Variants in IAPP observed in about 807,000 individuals in gnomAD.
The protein encoded by IAPP is islet amyloid polypeptide, also known as Islet amyloid polypeptide (diabetes-associated peptide; amylin).
In IAPP, 4 loss-of-function variants were observed where a neutral mutation model predicts 2.9. The ratio of observed to expected loss-of-function variants is 1.39; its 90% CI spans 0.69 to 3.19. The LOEUF is 3.19. Among genes scored for constraint, IAPP ranks in the 30% most tolerant of loss-of-function variants. The pLI is 0.01. For synonymous variants in IAPP, 40 were observed against 42.1 expected (o/e 0.95, Z 0.19); for missense variants, 114 against 105.3 (o/e 1.08, Z -0.36).
chr12:21,375,756 G>A (rs1418610970), intron 2 of IAPP, among the ~76,000 whole-genome samples: 1 of 152,154 alleles, frequency 6.6e-6, no homozygotes. Context: ...TTAAAAGAGA[G>A]GCAATTTAAG....
intron 1 of IAPP, among the ~76,000 whole-genome samples, chr12:21,362,926 A>G (rs537587973): frequency 2.0e-4 from 31 of 152,270 alleles, no homozygotes; most frequent in African/African-American, 6.7e-4. Flanking sequence ...AGAGACTTAG[A>G]CTCCCACACA....
chr12:21,372,003 CAAAAAAAAAG>C (rs375081900), upstream of IAPP, among the ~76,000 whole-genome samples: 2,828 of 122,606 alleles, frequency 0.023, 94 homozygotes, highest in African/African-American at 0.08. Flanking sequence ...AACTTCATCT[CAAAAAAAAAG>C]AAAAAAAAAG....
chr12:21,366,194 A>G (rs1939365228), intron 1 of IAPP, among the ~76,000 whole-genome samples: 1 of 152,212 alleles, frequency 6.6e-6, no homozygotes, highest in South Asian at 2.1e-4. Context: ...TGTGGCACAT[A>G]TACACCATGG....
At chr12:21,357,528 A>G (rs1219483370) in intron 1 of IAPP, among the ~76,000 whole-genome samples, 3 of 152,204 alleles carry the variant, frequency 2.0e-5, no homozygotes, top group African/African-American at 7.2e-5. Context: ...TTTTGTCCCA[A>G]CTGGTTGGAA....
rs1940473320 is a variant in IAPP, at chr12:21,379,809, GTTAAAATTTCCCT to G, written c.*1387_*1399del. On this transcript the variant is annotated 3_prime_UTR_variant, in exon 3 of 3. Coordinates refer to ENST00000240652, the MANE Select transcript of IAPP (RefSeq NM_000415.3). ...TTGACTCATTGACTTACATTTCTAA[GTTAAAATTTCCCT>G]TTATGAAGTGTGCCTTAGGTTACCA... 6.6e-6 allele frequency: 1 copy of G among 152,144 alleles called. No homozygotes were observed. Among genetic ancestry groups the G allele is most frequent in the South Asian group, 2.1e-4 (1 of 4,824 alleles). 9.4% of individuals were successfully genotyped at this position (152,144 alleles called of 1,614,324 possible).
chr12:21,377,836 T>C (rs1257013699), intron 2 of IAPP, among the ~76,000 whole-genome samples: 1 of 152,186 alleles, frequency 6.6e-6, no homozygotes, highest in Non-Finnish European at 1.5e-5. Flanking sequence ...GATGTAGAAA[T>C]AATTATTTTT....
rs573384721 is a variant in IAPP at position 21,360,168 on chromosome 12, C to T, written c.-16+5155C>T. Among the ~76,000 whole-genome samples, 133 of 151,988 alleles carry T rather than the reference C, an allele frequency of 8.8e-4. 1 individual carries two copies. Among genetic ancestry groups the T allele is most frequent in the African/African-American group, 2.9e-3 (121 of 41,410 alleles). The stretch of plus-strand genomic sequence containing the variant: ...AGTAGAAGGAAATGAGGAAGTGTAA[C>T]GAGATAAACTAAAAAAGGTTACAAG... On this transcript the variant is annotated intron_variant, in intron 1 of 2. Coordinates refer to the IAPP transcript ENST00000539393.
At chr12:21,369,269 C>G (rs575315159), upstream of IAPP, among the ~76,000 whole-genome samples, 2 of 152,116 alleles carry the variant, frequency 1.3e-5, no homozygotes, top group Non-Finnish European at 2.9e-5. Context: ...ATGTCATTGT[C>G]AAAGCATGTT....
chr12:21,359,372 A>C (rs1355199562), intron 1 of IAPP, among the ~76,000 whole-genome samples: 1 of 152,116 alleles, frequency 6.6e-6, no homozygotes, highest in Non-Finnish European at 1.5e-5. Context: ...CCTCAACTTG[A>C]CTATTCACTC....
At chr12:21,359,606 G>C (rs750410306) in intron 1 of IAPP, among the ~76,000 whole-genome samples, 3 of 152,116 alleles carry the variant, frequency 2.0e-5, no homozygotes, top group Non-Finnish European at 2.9e-5. Context: ...AATTAGCCAG[G>C]CATGGTGGTG....
chr12:21,376,120 C>G (rs1940175849), intron 2 of IAPP, among the ~76,000 whole-genome samples: 1 of 152,104 alleles, frequency 6.6e-6, no homozygotes, highest in Admixed American at 6.6e-5. Flanking sequence ...ATCTAGCTAA[C>G]TCAAATAAGG....
chr12:21,360,781 G>A (rs564346396), intron 1 of IAPP, among the ~76,000 whole-genome samples: 17 of 152,200 alleles, frequency 1.1e-4, no homozygotes, highest in East Asian at 7.7e-4. Context: ...ACGGAGGCTC[G>A]CTCACTGCTA....
At chr12:21,366,825 A>G (rs1939425187) in intron 1 of IAPP, among the ~76,000 whole-genome samples, 1 of 151,992 alleles carries the variant, frequency 6.6e-6, no homozygotes, top group Non-Finnish European at 1.5e-5. Flanking sequence ...AGGAAACTTC[A>G]TAGAAGTTAA....
At chr12:21,358,684 G>GA (rs1210690400) in intron 1 of IAPP, among the ~76,000 whole-genome samples, 1 of 150,934 alleles carries the variant, frequency 6.6e-6, no homozygotes, top group Admixed American at 6.6e-5. Context: ...AACATGAAAA[G>GA]AAGTCTACAA....
At chr12:21,363,979 C>A (rs530137077) in intron 1 of IAPP, among the ~76,000 whole-genome samples, 208 of 152,302 alleles carry the variant, frequency 1.4e-3, no homozygotes, top group African/African-American at 4.5e-3. Flanking sequence ...AAAAGAGGAG[C>A]TGGTACCATT....
chr12:21,360,750 G>A (rs1406331064), intron 1 of IAPP, among the ~76,000 whole-genome samples: 1 of 152,242 alleles, frequency 6.6e-6, no homozygotes, highest in East Asian at 1.9e-4. Flanking sequence ...TCCCGCGGCT[G>A]GCTTGGAGGC....
At chr12:21,374,760 A>T (rs1292114207) in intron 2 of IAPP, among the ~76,000 whole-genome samples, 2 of 152,072 alleles carry the variant, frequency 1.3e-5, no homozygotes, top group Admixed American at 6.6e-5. Context: ...CTTTCAATAG[A>T]TATAGAAATT....
intron 1 of IAPP, among the ~76,000 whole-genome samples, chr12:21,362,260 A>C (rs957119055): frequency 2.6e-5 from 4 of 152,192 alleles, no homozygotes; most frequent in African/African-American, 9.7e-5. Flanking sequence ...TTCTTAAAGA[A>C]AAGAATTTTC....
chr12:21,365,903 G>A (rs1045674750), intron 1 of IAPP, among the ~76,000 whole-genome samples: 55 of 152,140 alleles, frequency 3.6e-4, no homozygotes, highest in Admixed American at 1.1e-3. Flanking sequence ...GAAACAACAG[G>A]TGCTGGAGAG....
Sources: allele counts gnomAD v4.1 joint callset (sites outside exome capture counted in the v4.1 genomes callset), GRCh38; gene constraint gnomAD v4.1.1; transcripts MANE v1.5; gene names NCBI Gene and HGNC (gene_info 2026-07-23, HGNC 2026-07-21).